The following L3MBTL4 variants were observed in gnomAD, a reference collection of about 807,000 sequenced individuals.
L3MBTL4 encodes L3MBTL histone methyl-lysine binding protein 4.
Under a neutral mutation model 84.5 loss-of-function variants are expected in L3MBTL4, and 70 were observed. The observed-to-expected ratio is 0.83, with a 90% CI of 0.68 to 1.01. L3MBTL4 has a LOEUF of 1.01. Ranked by LOEUF, L3MBTL4 falls within the 50% of genes least tolerant of loss-of-function variation. The probability of loss-of-function intolerance (pLI) is 0.00; values close to 1 mark genes in which losing one functional copy is unlikely to be tolerated. For missense variants in L3MBTL4, 715 were observed against 754.8 expected (o/e 0.95, Z 0.62); for synonymous variants, 274 against 259.8 (o/e 1.05, Z -0.52).
intron 16 of L3MBTL4, among the ~76,000 whole-genome samples, chr18:6,069,613 G>T (rs1026234557): frequency 1.3e-5 from 2 of 152,126 alleles, no homozygotes; most frequent in African/African-American, 4.8e-5. Flanking sequence ...TTGGGAGGTG[G>T]TTCTCAGGCC....
intron 14 of L3MBTL4, among the ~76,000 whole-genome samples, chr18:6,113,306 G>A (rs989338567): frequency 1.9e-4 from 29 of 151,924 alleles, no homozygotes; most frequent in Non-Finnish European, 1.5e-4. Context: ...TCATGGAAAC[G>A]GGAATTGTAT....
chr18:6,239,340 CAAA>C (rs751491795), intron 9 of L3MBTL4, among the ~76,000 whole-genome samples: 19 of 50,392 alleles, frequency 3.8e-4, no homozygotes, highest in African/African-American at 9.3e-4. Context: ...GACTCCGTCT[CAAA>C]AAAAAAAAAA....
intron 4 of L3MBTL4, among the ~76,000 whole-genome samples, chr18:6,275,192 G>T (rs1160338467): frequency 6.6e-6 from 1 of 152,122 alleles, no homozygotes; most frequent in African/African-American, 2.4e-5. Context: ...GGGCCAAGAG[G>T]AGGAGCCTAG....
At chr18:6,115,313 AG>A (rs2144183683) in intron 14 of L3MBTL4, among the ~76,000 whole-genome samples, 1 of 152,362 alleles carries the variant, frequency 6.6e-6, no homozygotes, top group East Asian at 1.9e-4. Context: ...GTGATTCAGT[AG>A]AATGGGCATG....
At position 6,071,777 on chromosome 18, in the gene L3MBTL4, GAAAGAA is replaced by G. The variant is rs1321712857; in HGVS notation, c.1444+9098_1444+9103del. On this transcript the variant is annotated intron_variant, in intron 16 of 18. Transcript: ENST00000317931. Reference sequence around the variant, plus strand: ...AGAAAGAAAAAAAGAAAGAAAGAAAGAAAGAAAGAAAGAAAGAAAGAAAGAAAAAGA... The same window carrying G: ...AGAAAGAAAAAAAGAAAGAAAGAAAGAGAAAGAAAGAAAGAAAGAAAAAGA... 5.5e-3 allele frequency among the ~76,000 whole-genome samples: 444 copies of G among 81,312 alleles called. 2 individuals carry two copies. Among genetic ancestry groups the G allele is most frequent in the African/African-American group, 0.016 (429 of 26,556 alleles). The allele number at this position is 81,312 out of a possible 152,430, so 53.3% of individuals were successfully genotyped here.
intron 1 of L3MBTL4, among the ~76,000 whole-genome samples, chr18:6,347,862 GA>G (rs540388603): frequency 2.0e-5 from 3 of 150,882 alleles, no homozygotes; most frequent in Non-Finnish European, 3.0e-5. Context: ...ATTGGAAGGG[GA>G]AAAAAAAGAA....
rs547987656 is a variant in L3MBTL4, at chr18:6,381,395, GC to G, written c.-91+33405del. On this transcript the variant is annotated intron_variant, in intron 1 of 18. Transcript: ENST00000317931. ...CACTATGATGCTAGCTGGTTATTTT[GC>G]CCATTAGTTGAAGCAGTTTCTTCAT... Among the ~76,000 whole-genome samples the G allele has an allele frequency of 5.2e-3, 799 of 152,196 alleles. 4 individuals carry two copies. Among genetic ancestry groups the G allele is most frequent in the Non-Finnish European group, 8.5e-3 (576 of 68,028 alleles).
At chr18:5,991,689 C>T (rs1332718800) in intron 16 of L3MBTL4, among the ~76,000 whole-genome samples, 2 of 152,062 alleles carry the variant, frequency 1.3e-5, no homozygotes, top group Non-Finnish European at 2.9e-5. Flanking sequence ...ATTAGCCAGC[C>T]CCACCTTTAA....
intron 1 of L3MBTL4, among the ~76,000 whole-genome samples, chr18:6,402,847 T>C (rs977832775): frequency 2.6e-5 from 4 of 152,216 alleles, no homozygotes; most frequent in African/African-American, 9.7e-5. Flanking sequence ...AAAGAATAAT[T>C]GATTATTCTA....
intron 16 of L3MBTL4, among the ~76,000 whole-genome samples, chr18:5,993,672 C>T (rs1598384588): frequency 6.6e-6 from 1 of 150,426 alleles, no homozygotes; most frequent in African/African-American, 2.4e-5. Context: ...AAAAATTTTA[C>T]AAAATTATGC....
chr18:5,959,964 T>C (rs1438067212), intron 18 of L3MBTL4, 130 bp downstream of exon 18: 1 of 240,114 alleles, frequency 4.2e-6, no homozygotes, highest in Non-Finnish European at 7.9e-6. Flanking sequence ...TACACTTAAG[T>C]AAATGAAAAC....
At chr18:6,355,286 T>G (rs2143861968) in intron 1 of L3MBTL4, among the ~76,000 whole-genome samples, 1 of 152,324 alleles carries the variant, frequency 6.6e-6, no homozygotes, top group African/African-American at 2.4e-5. Context: ...TCAAAACATC[T>G]CATGTCTCCC....
intron 4 of L3MBTL4, among the ~76,000 whole-genome samples, chr18:6,297,471 T>A (rs1194206841): frequency 6.6e-6 from 1 of 152,172 alleles, no homozygotes; most frequent in Non-Finnish European, 1.5e-5. Context: ...TAGGAGAAAC[T>A]GGGTGAAGGG....
At chr18:5,994,681 G>A (rs1392650616) in intron 16 of L3MBTL4, among the ~76,000 whole-genome samples, 3 of 152,056 alleles carry the variant, frequency 2.0e-5, no homozygotes, top group South Asian at 2.1e-4. Flanking sequence ...TGCCTCCAGC[G>A]ACAGAGAGTT....
chr18:6,165,634 A>G (rs999317279), intron 13 of L3MBTL4, among the ~76,000 whole-genome samples: 9 of 152,186 alleles, frequency 5.9e-5, no homozygotes, highest in African/African-American at 2.2e-4. Flanking sequence ...AAACACTGAG[A>G]GATTTTGTCA....
chr18:6,056,771 A>T (rs1167330297), intron 16 of L3MBTL4, among the ~76,000 whole-genome samples: 1 of 152,182 alleles, frequency 6.6e-6, no homozygotes, highest in East Asian at 1.9e-4. Flanking sequence ...CTGGATTTGC[A>T]GAGGTCACTC....
chr18:6,350,937 A>C (rs997271129), intron 1 of L3MBTL4, among the ~76,000 whole-genome samples: 2 of 152,238 alleles, frequency 1.3e-5, no homozygotes, highest in African/African-American at 4.8e-5. Context: ...CATGCCTGAA[A>C]TCCCAGCACT....
At chr18:6,066,791 T>A (rs1200070603) in intron 16 of L3MBTL4, among the ~76,000 whole-genome samples, 1 of 152,126 alleles carries the variant, frequency 6.6e-6, no homozygotes, top group Admixed American at 6.5e-5. Flanking sequence ...AGATATTTGG[T>A]TGATTTTTTT....
chr18:6,069,298 C>A (rs374538459), intron 16 of L3MBTL4, among the ~76,000 whole-genome samples: 1 of 152,158 alleles, frequency 6.6e-6, no homozygotes, highest in Non-Finnish European at 1.5e-5. Flanking sequence ...CCTTCCTGGG[C>A]GCATTCTACC....
Sources: gnomAD v4.1 joint callset for allele counts (sites outside exome capture counted in the v4.1 genomes callset) on GRCh38, gnomAD v4.1.1 for gene constraint, MANE v1.5 for transcripts, NCBI Gene and HGNC (gene_info 2026-07-23, HGNC 2026-07-21) for gene names.